Variants in CSN3 observed in about 807,000 individuals in gnomAD.
CSN3 encodes the protein kappa-casein.
A neutral mutation model predicts 9.9 loss-of-function variants in CSN3; 7 were observed. That is an observed-to-expected ratio of 0.71 (90% confidence interval 0.40 to 1.33). The LOEUF (loss-of-function observed/expected upper bound fraction) is 1.33. Among genes scored for constraint, CSN3 ranks in the 40% most tolerant of loss-of-function variants. CSN3 has a pLI of 0.01. For synonymous variants in CSN3, 88 were observed against 82.3 expected (o/e 1.07, Z -0.37); for missense variants, 253 against 227.9 (o/e 1.11, Z -0.71).
Position 70,247,804 on chromosome 4 carries a change from C to A in CSN3, c.55-14C>A. The stretch of plus-strand genomic sequence containing the variant: ...AACTTATTTCTCATTATTTCTTCTT[C>A]TGGAACTCCCCAGGCTGTGGAGGTT... On this transcript the variant is annotated splice_polypyrimidine_tract_variant and intron_variant, in intron 2 of 4. Coordinates refer to ENST00000304954, the Ensembl canonical transcript of CSN3. 6.3e-7 allele frequency: 1 copy of A among 1,576,210 alleles called. No homozygotes were observed. Among genetic ancestry groups the A allele is most frequent in the Non-Finnish European group, 8.6e-7 (1 of 1,165,282 alleles).
At chr4:70,251,043 A>C (rs1730472773) in intron 4 of CSN3, among the ~76,000 whole-genome samples, 1 of 151,054 alleles carries the variant, frequency 6.6e-6, no homozygotes, top group South Asian at 2.2e-4. Flanking sequence ...GCAAAACATA[A>C]AGAAGCATGT....
chr4:70,245,013 T>G (rs1276632951), intron 2 of CSN3, 140 bp downstream of exon 2: 1 of 394,402 alleles, frequency 2.5e-6, no homozygotes, highest in African/African-American at 2.1e-5. Flanking sequence ...AAGGTTAATT[T>G]TTTTAATATT....
At chr4:70,241,064 A>G (rs181150749), upstream of CSN3, among the ~76,000 whole-genome samples, 566 of 152,138 alleles carry the variant, frequency 3.7e-3, 3 homozygotes, top group Non-Finnish European at 6.6e-3. Flanking sequence ...AAATAATTCA[A>G]TACTCAACTG....
In CSN3 at chr4:70,247,799, T is replaced by G. The variant is rs1279725717; in HGVS notation, c.55-19T>G. 3.2e-6 allele frequency: 5 copies of G among 1,581,910 alleles called. No homozygotes were observed. The highest frequency in any genetic ancestry group is 4.3e-6 in the Non-Finnish European group (5 of 1,167,938). Reference sequence around the variant, plus strand: ...TTTTTAACTTATTTCTCATTATTTCTTCTTCTGGAACTCCCCAGGCTGTGG... The same window carrying G: ...TTTTTAACTTATTTCTCATTATTTCGTCTTCTGGAACTCCCCAGGCTGTGG... On this transcript the variant is annotated intron_variant, in intron 2 of 4. Transcript: ENST00000304954.
chr4:70,240,414 T>G (rs1730249673), upstream of CSN3, among the ~76,000 whole-genome samples: 1 of 151,890 alleles, frequency 6.6e-6, no homozygotes, highest in African/African-American at 2.4e-5. Flanking sequence ...CCAGGGACAT[T>G]CCAGAATCAG....
At chr4:70,240,448 A>G (rs1255224942), upstream of CSN3, among the ~76,000 whole-genome samples, 1 of 151,954 alleles carries the variant, frequency 6.6e-6, no homozygotes, top group African/African-American at 2.4e-5. Flanking sequence ...TGATGGATGC[A>G]TAAGTAGATA....
At position 70,249,731 on chromosome 4, in the gene CSN3, T is replaced by C. The variant is rs75883824; in HGVS notation, c.*34+238T>C. Among the ~76,000 whole-genome samples the C allele has an allele frequency of 3.7e-3, 571 of 152,298 alleles. 4 individuals carry two copies. Among genetic ancestry groups the C allele is most frequent in the African/African-American group, 0.012 (519 of 41,568 alleles). On this transcript the variant is annotated intron_variant, in intron 4 of 4. Coordinates refer to ENST00000304954, the Ensembl canonical transcript of CSN3. Reference sequence around the variant, plus strand: ...GTGAAAATAATTGGCAACTTCATTATCAAACTTTTTTCTGACAATTGGGAC... The same window carrying C: ...GTGAAAATAATTGGCAACTTCATTACCAAACTTTTTTCTGACAATTGGGAC...
At chr4:70,249,253 C>G in exon 4 of CSN3, 1 of 1,614,110 alleles carries the variant, frequency 6.2e-7, no homozygotes, top group South Asian at 1.1e-5. Context: ...AAACCTGCAT[C>G]CATCATTTAT....
chr4:70,249,462 A>G, exon 4 of CSN3: 1 of 1,604,754 alleles, frequency 6.2e-7, no homozygotes, highest in South Asian at 1.1e-5. Context: ...CGGCATAAAA[A>G]CACCAAGGAA....
chr4:70,250,640 C>G (rs1462349811), intron 4 of CSN3, among the ~76,000 whole-genome samples: 2 of 151,974 alleles, frequency 1.3e-5, no homozygotes, highest in African/African-American at 4.8e-5. Flanking sequence ...CCATAGTAAC[C>G]ATATGAAACA....
chr4:70,250,746 C>G (rs564182525), intron 4 of CSN3, among the ~76,000 whole-genome samples: 2 of 152,058 alleles, frequency 1.3e-5, no homozygotes, highest in Admixed American at 6.6e-5. Context: ...GGGAGGCAAA[C>G]CAAACCTGTT....
At position 70,249,335 on chromosome 4, in the gene CSN3, C is replaced by CTA; in HGVS notation, c.426_427dup (p.Thr143IlefsTer14). 1 of 1,614,046 alleles carries CTA rather than the reference C, an allele frequency of 6.2e-7. No homozygotes were observed. Among genetic ancestry groups the CTA allele is most frequent in the Non-Finnish European group, 8.5e-7 (1 of 1,179,994 alleles). On this transcript the variant is annotated frameshift_variant, in exon 4 of 5. Coordinates refer to ENST00000304954, the Ensembl canonical transcript of CSN3. LOFTEE classifies it low-confidence loss of function (END_TRUNC). ...ATCAATACCATTGCTACTGTTGAAC[C>CTA]TACACCAGCTCCTGCCACTGAACCA...
upstream of CSN3, among the ~76,000 whole-genome samples, chr4:70,239,192 A>C (rs1730226296): frequency 6.6e-6 from 1 of 151,736 alleles, no homozygotes. Context: ...CAAAATGGAA[A>C]TTAAGAGCAG....
chr4:70,239,072 T>C (rs1399994540), upstream of CSN3, among the ~76,000 whole-genome samples: 1 of 151,844 alleles, frequency 6.6e-6, no homozygotes, highest in Non-Finnish European at 1.5e-5. Context: ...TTGAGTACAT[T>C]AACTAGAAAG....
upstream of CSN3, among the ~76,000 whole-genome samples, chr4:70,242,096 T>TATTTTTC (rs1730282047): frequency 6.6e-6 from 1 of 151,988 alleles, no homozygotes; most frequent in Non-Finnish European, 1.5e-5. Context: ...GTATTGTGGC[T>TATTTTTC]ATTTTTCATT....
intron 1 of CSN3, 103 bp downstream of exon 1, chr4:70,242,768 T>A (rs1730298337): frequency 1.3e-5 from 2 of 152,104 alleles, no homozygotes; most frequent in South Asian, 4.1e-4. Context: ...TTTTAGTTAT[T>A]GTTAAGTTTG....
chr4:70,239,554 T>C (rs1730231979), upstream of CSN3, among the ~76,000 whole-genome samples: 1 of 151,988 alleles, frequency 6.6e-6, no homozygotes, highest in African/African-American at 2.4e-5. Context: ...AATAAATTAA[T>C]GTGTGTGCTA....
At chr4:70,239,155 T>C (rs1730225946), upstream of CSN3, among the ~76,000 whole-genome samples, 1 of 151,334 alleles carries the variant, frequency 6.6e-6, no homozygotes, top group Non-Finnish European at 1.5e-5. Context: ...TCTCCTAAAT[T>C]TAGAGTTTGA....
intron 1 of CSN3, among the ~76,000 whole-genome samples, chr4:70,242,956 C>A (rs979541332): frequency 2.0e-5 from 3 of 152,098 alleles, no homozygotes; most frequent in African/African-American, 7.2e-5. Flanking sequence ...TTCCTACAGA[C>A]AAATGTTGAG....
Sources: allele counts gnomAD v4.1 joint callset (sites outside exome capture counted in the v4.1 genomes callset), GRCh38; gene constraint gnomAD v4.1.1; transcripts MANE v1.5; gene names NCBI Gene and HGNC (gene_info 2026-07-23, HGNC 2026-07-21).